CACNA1D: variants seen among roughly 807,000 people sequenced by gnomAD.
The protein encoded by CACNA1D is voltage-dependent L-type calcium channel subunit alpha-1D.
Under a neutral mutation model 257.1 loss-of-function variants are expected in CACNA1D, and 55 were observed. The ratio of observed to expected loss-of-function variants is 0.21; its 90% confidence interval spans 0.17 to 0.27. CACNA1D has a LOEUF of 0.27. CACNA1D is among the 10% of genes least tolerant of loss of function. CACNA1D has a pLI of 1.00. For missense variants in CACNA1D, 1,876 were observed against 2,784.0 expected (o/e 0.67, Z 7.34); for synonymous variants, 980 against 1,014.9 (o/e 0.97, Z 0.65).
rs747430585 is a variant in CACNA1D, at chr3:53,800,211, G to T, written c.4924-38G>T. 7.0e-7 allele frequency: 1 copy of T among 1,436,020 alleles called. No homozygotes were observed. Among genetic ancestry groups the T allele is most frequent in the Non-Finnish European group, 9.8e-7 (1 of 1,017,330 alleles). 89.0% of individuals were successfully genotyped at this position (1,436,020 alleles called of 1,614,324 possible). On this transcript the variant is annotated intron_variant, in intron 40 of 47. Transcript: ENST00000350061. This position sits in a 1 kb window ranked among gnomAD's most constrained non-coding sequence, Gnocchi z 4.3. ...GACCCAGGCTGGCCCCAGGGCCCAT[G>T]TGTGGTCTAACCTGTTCTGCCATTT...
At chr3:53,680,346 CTT>C (rs552000840) in intron 8 of CACNA1D, among the ~76,000 whole-genome samples, 7 of 146,138 alleles carry the variant, frequency 4.8e-5, no homozygotes, top group Admixed American at 1.4e-4. Flanking sequence ...TGACCAAGTT[CTT>C]TTTTTTTTTT....
chr3:53,763,217 G>A (rs1461828578), intron 30 of CACNA1D, among the ~76,000 whole-genome samples: 3 of 152,214 alleles, frequency 2.0e-5, no homozygotes, highest in African/African-American at 4.8e-5. Context: ...GGAAAAGAGG[G>A]CCGAGTGCAA....
At chr3:53,516,263 T>C (rs1005602344) in intron 3 of CACNA1D, among the ~76,000 whole-genome samples, 1 of 152,234 alleles carries the variant, frequency 6.6e-6, no homozygotes, top group African/African-American at 2.4e-5. Context: ...AATCTTTTCC[T>C]ATACCCCCCT....
intron 3 of CACNA1D, 37 bp downstream of exon 3, chr3:53,501,757 T>C: frequency 8.6e-7 from 1 of 1,158,214 alleles, no homozygotes; most frequent in Non-Finnish European, 1.3e-6. Context: ...TCCTGGTATA[T>C]GGTTATCATT....
intron 30 of CACNA1D, among the ~76,000 whole-genome samples, chr3:53,762,304 C>T (rs1428781721): frequency 2.0e-5 from 3 of 152,180 alleles, no homozygotes; most frequent in Non-Finnish European, 4.4e-5. Flanking sequence ...GAGGACAGGC[C>T]TTTTTGCAGC....
intron 3 of CACNA1D, among the ~76,000 whole-genome samples, chr3:53,507,227 A>C (rs115297339): frequency 1.8e-3 from 274 of 152,266 alleles, no homozygotes; most frequent in Non-Finnish European, 1.6e-3. Context: ...AAATAATTAT[A>C]TCTCTTTTGT....
At chr3:53,782,264 G>GTGTGTGTGTATATATATA (rs6147823) in intron 39 of CACNA1D, 2 of 75,450 alleles carry the variant, frequency 2.7e-5, no homozygotes, top group African/African-American at 6.3e-5. Context: ...GTGTGTGTGT[G>GTGTGTGTGTATATATATA]TATATATATA....
rs1299878725 is a variant in CACNA1D at position 53,793,457 on chromosome 3, G to A, written c.4923+6505G>A. Among the ~76,000 whole-genome samples the A allele has an allele frequency of 6.6e-6, 1 of 152,200 alleles. No homozygotes were observed. The highest frequency in any genetic ancestry group is 6.5e-5 in the Admixed American group (1 of 15,286). ...TGTGTCACTCTGTCTCAGAGGGCCG[G>A]TGTGACCGACCTTCTAGATCCAAGA... On this transcript the variant is annotated intron_variant, in intron 40 of 47. Coordinates refer to ENST00000350061, the MANE Select transcript of CACNA1D (RefSeq NM_001128840.3). This position sits in a 1 kb window ranked among gnomAD's most constrained non-coding sequence, Gnocchi z 4.1.
chr3:53,675,253 C>T (rs554887736), intron 8 of CACNA1D, among the ~76,000 whole-genome samples: 8 of 152,332 alleles, frequency 5.3e-5, no homozygotes, highest in Middle Eastern at 3.4e-3. Context: ...GCTCCTCAAG[C>T]CTCCGGCCCT....
intron 5 of CACNA1D, among the ~76,000 whole-genome samples, chr3:53,665,328 A>G (rs2094250950): frequency 6.6e-6 from 1 of 152,182 alleles, no homozygotes; most frequent in Non-Finnish European, 1.5e-5. Flanking sequence ...AAAGCACCAA[A>G]CCTTATGATT....
chr3:53,801,571 C>G (rs530831666), intron 42 of CACNA1D, 146 bp downstream of exon 42: 44 of 1,041,326 alleles, frequency 4.2e-5, no homozygotes, highest in Non-Finnish European at 5.8e-5. Context: ...CTGTGAGTGC[C>G]CCCCAGGTCA....
Position 53,494,778 on chromosome 3 carries a change from G to C in CACNA1D, c.-389G>C, listed in dbSNP as rs930425946. The C allele has an allele frequency of 3.3e-5, 5 of 152,220 alleles. No individual in the cohort carries two copies. Among genetic ancestry groups the C allele is most frequent in the Non-Finnish European group, 7.2e-5 (5 of 69,040 alleles). 9.4% of individuals were successfully genotyped at this position (152,220 alleles called of 1,614,324 possible). A position where few individuals can be genotyped will look rare whatever the true frequency, so the allele number is the denominator to read the frequency against. On this transcript the variant is annotated 5_prime_UTR_variant, in exon 1 of 48. Transcript: ENST00000350061. Reference sequence around the variant, plus strand: ...GGGCGGGCAGACGGGCGGGCATGGGGGGAGCGCCGAGCGGCCCCGGCGGCC... The same window carrying C: ...GGGCGGGCAGACGGGCGGGCATGGGCGGAGCGCCGAGCGGCCCCGGCGGCC...
chr3:53,507,286 G>A (rs749134946), intron 3 of CACNA1D, among the ~76,000 whole-genome samples: 8 of 151,882 alleles, frequency 5.3e-5, no homozygotes, highest in Admixed American at 3.3e-4. Context: ...GAGTATTGAC[G>A]GCTTTTCCAA....
chr3:53,629,873 A>G (rs1025026086), intron 3 of CACNA1D, among the ~76,000 whole-genome samples: 3 of 152,230 alleles, frequency 2.0e-5, no homozygotes, highest in African/African-American at 7.2e-5. Context: ...TTATTTAAAT[A>G]CATATTGCAT....
In CACNA1D at chr3:53,673,678, G is replaced by T; in HGVS notation, c.1220+552G>T. 6.7e-7 allele frequency: 1 copy of T among 1,489,372 alleles called. No homozygotes were observed. The highest frequency in any genetic ancestry group is 1.1e-5 in the South Asian group (1 of 88,552). The allele number at this position is 1,489,372 out of a possible 1,614,324, so 92.3% of individuals were successfully genotyped here. A position where few individuals can be genotyped will look rare whatever the true frequency, so the allele number is the denominator to read the frequency against. On this transcript the variant is annotated intron_variant, in intron 8 of 47. Transcript: ENST00000350061. This position sits in a 1 kb window ranked among gnomAD's most constrained non-coding sequence, Gnocchi z 4.1. ...ACTGGGGCTCTGCTCTTTAGTAAAT[G>T]GATAACTGATAACTGATCTCCTTAC... is the stretch of plus-strand genomic sequence containing the variant.
intron 3 of CACNA1D, among the ~76,000 whole-genome samples, chr3:53,573,460 A>G (rs1260686347): frequency 3.3e-5 from 5 of 151,742 alleles, no homozygotes; most frequent in Non-Finnish European, 7.4e-5. Flanking sequence ...GCTGACTCTC[A>G]TTTTCTTTAG....
At chr3:53,756,708 G>C (rs998602900) in intron 29 of CACNA1D, among the ~76,000 whole-genome samples, 1 of 152,172 alleles carries the variant, frequency 6.6e-6, no homozygotes, top group Admixed American at 6.5e-5. Flanking sequence ...TCTCCAACAA[G>C]TTCTCTTGCT....
At chr3:53,627,098 A>G (rs1448974386) in intron 3 of CACNA1D, among the ~76,000 whole-genome samples, 2 of 152,230 alleles carry the variant, frequency 1.3e-5, no homozygotes, top group Non-Finnish European at 2.9e-5. Context: ...GCCAGGCAGC[A>G]GCACCCTTGG....
At chr3:53,703,449 C>T (rs527498097) in intron 9 of CACNA1D, among the ~76,000 whole-genome samples, 3 of 152,326 alleles carry the variant, frequency 2.0e-5, no homozygotes, top group Admixed American at 1.3e-4. Flanking sequence ...GAACTCAGTC[C>T]ATCACTGACA....
Sources: allele counts gnomAD v4.1 joint callset (sites outside exome capture counted in the v4.1 genomes callset), GRCh38; gene constraint gnomAD v4.1.1; non-coding constraint Gnocchi (gnomAD v3.1); transcripts MANE v1.5; gene names NCBI Gene and HGNC (gene_info 2026-07-23, HGNC 2026-07-21).